Variants in UTRN observed in about 807,000 individuals in gnomAD.
UTRN encodes the protein dystrophin-related protein 1.
Under a neutral mutation model 463.9 loss-of-function variants are expected in UTRN, and 283 were observed. The observed-to-expected ratio is 0.61, with a 90% CI of 0.55 to 0.67. The LOEUF (loss-of-function observed/expected upper bound fraction) is 0.67, where lower values mean the gene tolerates loss of function less well. Among genes scored for constraint, UTRN ranks in the 30% least tolerant of loss-of-function variants. The probability of loss-of-function intolerance (pLI) is 0.00; values close to 1 mark genes in which losing one functional copy is unlikely to be tolerated. For missense variants in UTRN, 3,922 were observed against 4,084.3 expected (o/e 0.96, Z 1.08); for synonymous variants, 1,442 against 1,431.5 (o/e 1.01, Z -0.17).
chr6:144,791,365 G>A (rs985875403), intron 62 of UTRN, among the ~76,000 whole-genome samples: 1 of 151,910 alleles, frequency 6.6e-6, no homozygotes, highest in African/African-American at 2.4e-5. Flanking sequence ...TTCTAACAGT[G>A]CCCTGGCCTT....
chr6:144,433,454 T>A (rs1178667994), intron 9 of UTRN, among the ~76,000 whole-genome samples: 1 of 149,178 alleles, frequency 6.7e-6, no homozygotes, highest in African/African-American at 2.5e-5. Flanking sequence ...GAGGGGCTCC[T>A]CACTTCTCAG....
intron 52 of UTRN, among the ~76,000 whole-genome samples, chr6:144,687,729 A>T (rs1384666288): frequency 6.6e-6 from 1 of 152,052 alleles, no homozygotes; most frequent in Non-Finnish European, 1.5e-5. Context: ...TGTTCATTCG[A>T]TAAGTTTTTC....
At chr6:144,461,376 C>T (rs1789390509) in intron 22 of UTRN, 34 bp downstream of exon 22, 1 of 1,447,500 alleles carries the variant, frequency 6.9e-7, no homozygotes, top group Admixed American at 2.4e-5. Flanking sequence ...AACTCTAGCG[C>T]TTCTTCTAAT....
chr6:144,530,121 A>C (rs562366058), intron 41 of UTRN, among the ~76,000 whole-genome samples: 1 of 152,214 alleles, frequency 6.6e-6, no homozygotes, highest in African/African-American at 2.4e-5. Context: ...TAATCTGCTC[A>C]GGCAGCCGTT....
rs1562832198 is a variant in UTRN, at chr6:144,732,231, T to TAC, written c.7939+1746_7939+1747insCA. On this transcript the variant is annotated intron_variant, in intron 54 of 74. Transcript: ENST00000367545. ...ACTCTGTTTTATATATATATATATA[T>TAC]ATATATACATATATATATATATATA... Among the ~76,000 whole-genome samples the TAC allele has an allele frequency of 1.3e-4, 4 of 29,746 alleles. No individual in the cohort carries two copies. The East Asian group carries it at 2.4e-3, about 18-fold the overall frequency. 19.5% of individuals were successfully genotyped at this position (29,746 alleles called of 152,430 possible).
At chr6:144,737,090 T>A (rs1039935620) in intron 54 of UTRN, among the ~76,000 whole-genome samples, 6 of 152,112 alleles carry the variant, frequency 3.9e-5, no homozygotes, top group African/African-American at 1.4e-4. Flanking sequence ...CCCTTCCCTC[T>A]TTTTTTAGTG....
chr6:144,756,588 TAAAAG>T (rs1389865510), intron 57 of UTRN, among the ~76,000 whole-genome samples: 1 of 152,148 alleles, frequency 6.6e-6, no homozygotes, highest in Non-Finnish European at 1.5e-5. Flanking sequence ...GCCATGGTTA[TAAAAG>T]AAGCCTGTTT....
Position 144,690,053 on chromosome 6 carries a change from A to G in UTRN, c.7653-10034A>G, listed in dbSNP as rs369330671. The stretch of plus-strand genomic sequence containing the variant: ...GGTGTCCCAAGCAATGGGAGGGGCC[A>G]TAGAGCTCCCAAAAGTTTCTGTTTT... On this transcript the variant is annotated intron_variant, in intron 52 of 74. Coordinates refer to ENST00000367545, the MANE Select transcript of UTRN (RefSeq NM_007124.3). Among the ~76,000 whole-genome samples the G allele has an allele frequency of 7.5e-5, 10 of 133,696 alleles. No individual in the cohort carries two copies. The East Asian group carries it at 1.7e-3, about 22-fold the overall frequency. 87.7% of individuals were successfully genotyped at this position (133,696 alleles called of 152,430 possible). A position where few individuals can be genotyped will look rare whatever the true frequency, so the allele number is the denominator to read the frequency against.
At chr6:144,613,072 G>A (rs1805697770) in intron 51 of UTRN, among the ~76,000 whole-genome samples, 1 of 151,976 alleles carries the variant, frequency 6.6e-6, no homozygotes, top group African/African-American at 2.4e-5. Flanking sequence ...AATGAGCCTG[G>A]AAGTCATTAT....
At chr6:144,579,656 G>A (rs1022890943) in intron 51 of UTRN, among the ~76,000 whole-genome samples, 1 of 152,122 alleles carries the variant, frequency 6.6e-6, no homozygotes, top group Admixed American at 6.6e-5. Context: ...AAATATCTAA[G>A]CACAGGATTA....
At chr6:144,637,908 T>C (rs1398678385) in intron 51 of UTRN, among the ~76,000 whole-genome samples, 2 of 152,230 alleles carry the variant, frequency 1.3e-5, no homozygotes, top group African/African-American at 4.8e-5. Flanking sequence ...AGTTTTATTA[T>C]GGCTTCTTTA....
At chr6:144,549,146 G>A (rs3812247) in intron 47 of UTRN, among the ~76,000 whole-genome samples, 45,479 of 152,052 alleles carry the variant, frequency 0.3, 7,581 homozygotes, top group East Asian at 0.66. Flanking sequence ...GCTGGCGTTA[G>A]CATTTCATGC....
chr6:144,428,423 G>C (rs970653046), intron 7 of UTRN, among the ~76,000 whole-genome samples: 68 of 138,570 alleles, frequency 4.9e-4, no homozygotes, highest in African/African-American at 1.8e-3. Flanking sequence ...TTTTTCTGTG[G>C]TTTTTTTTTT....
At chr6:144,621,261 G>A (rs1211952005) in intron 51 of UTRN, among the ~76,000 whole-genome samples, 1 of 152,138 alleles carries the variant, frequency 6.6e-6, no homozygotes, top group Non-Finnish European at 1.5e-5. Flanking sequence ...ATAAAACATT[G>A]ATTATGAACC....
chr6:144,643,656 G>C (rs1453950518), intron 51 of UTRN, among the ~76,000 whole-genome samples: 1 of 151,994 alleles, frequency 6.6e-6, no homozygotes, highest in Admixed American at 6.6e-5. Context: ...AATTAGCCAG[G>C]CATGGGGGCA....
intron 44 of UTRN, among the ~76,000 whole-genome samples, chr6:144,538,363 T>A (rs1418345429): frequency 1.3e-5 from 2 of 151,192 alleles, no homozygotes; most frequent in African/African-American, 4.8e-5. Flanking sequence ...TGTGCTCACA[T>A]TTTTTTTTAA....
At chr6:144,467,301 C>T (rs934543824) in intron 23 of UTRN, among the ~76,000 whole-genome samples, 1 of 152,236 alleles carries the variant, frequency 6.6e-6, no homozygotes, top group African/African-American at 2.4e-5. Context: ...TCGTTCCCTC[C>T]TCTGTGATTC....
intron 50 of UTRN, among the ~76,000 whole-genome samples, chr6:144,564,820 C>G (rs1466454730): frequency 6.6e-6 from 1 of 152,090 alleles, no homozygotes; most frequent in Non-Finnish European, 1.5e-5. Context: ...GGTTATAATT[C>G]AAGGTGAGAT....
chr6:144,404,360 G>T lies in UTRN; in HGVS notation c.141+1176G>T, dbSNP rs189645925. ...GTAAATTTTAGTTTGTTTTATTCCA[G>T]AGACACAGGTAACATATGTGCATCT... On this transcript the variant is annotated intron_variant, in intron 3 of 74. Transcript: ENST00000367545. Among the ~76,000 whole-genome samples, 357 of 152,256 alleles carry T rather than the reference G, an allele frequency of 2.3e-3. 1 individual carries two copies. Among genetic ancestry groups the T allele is most frequent in the Admixed American group, 6.9e-3 (105 of 15,294 alleles).
Sources: gnomAD v4.1 joint callset for allele counts (sites outside exome capture counted in the v4.1 genomes callset) on GRCh38, gnomAD v4.1.1 for gene constraint, MANE v1.5 for transcripts, NCBI Gene and HGNC (gene_info 2026-07-23, HGNC 2026-07-21) for gene names.